Variants in LIMS1 observed in about 807,000 individuals in gnomAD.
LIMS1 encodes LIM zinc finger domain containing 1.
LIMS1 carries 18 observed loss-of-function variants against 44.1 expected under a neutral mutation model. That is an observed-to-expected ratio of 0.41 (90% CI 0.28 to 0.61). The LOEUF (loss-of-function observed/expected upper bound fraction) is 0.61. LIMS1 is among the 20% of genes least tolerant of loss of function. The pLI, the probability that LIMS1 is intolerant of heterozygous loss-of-function variation, is 0.32. For missense variants in LIMS1, 201 were observed against 422.0 expected, an observed-to-expected ratio of 0.48 and a Z score of 4.59; for synonymous variants, 93 against 149.1, an observed-to-expected ratio of 0.62 and a Z score of 2.74.
intron 1 of LIMS1, among the ~76,000 whole-genome samples, chr2:108,546,666 A>G (rs1684491329): frequency 7.6e-6 from 1 of 131,138 alleles, no homozygotes; most frequent in Non-Finnish European, 1.6e-5. Context: ...GAGCCTGTCT[A>G]ATTTGAGTGA....
chr2:108,557,985 T>C (rs1684980828), intron 1 of LIMS1, among the ~76,000 whole-genome samples: 1 of 152,218 alleles, frequency 6.6e-6, no homozygotes, highest in Non-Finnish European at 1.5e-5. Flanking sequence ...GAAGGGGAAA[T>C]TATGGATATA....
intron 1 of LIMS1, among the ~76,000 whole-genome samples, chr2:108,648,961 G>A (rs61547788): frequency 0.41 from 62,656 of 151,994 alleles, 14,871 homozygotes; most frequent in East Asian, 0.94. Context: ...AGCAATGGCA[G>A]CAAAAGCCAA....
At chr2:108,572,920 C>G (rs1437673652) in intron 1 of LIMS1, among the ~76,000 whole-genome samples, 2 of 152,140 alleles carry the variant, frequency 1.3e-5, no homozygotes, top group Non-Finnish European at 2.9e-5. Context: ...CAGTAGTAAA[C>G]TTGTATTGTG....
At chr2:108,598,349 CTT>C (rs1423247461) in intron 1 of LIMS1, among the ~76,000 whole-genome samples, 2 of 152,096 alleles carry the variant, frequency 1.3e-5, no homozygotes, top group Admixed American at 1.3e-4. Context: ...TGATTTGAGA[CTT>C]TTTGTTGTTG....
At chr2:108,620,042 G>C (rs564478823) in intron 1 of LIMS1, among the ~76,000 whole-genome samples, 1 of 152,266 alleles carries the variant, frequency 6.6e-6, no homozygotes, top group Non-Finnish European at 1.5e-5. Flanking sequence ...AAAAACATAT[G>C]CTGTGTTTGA....
intron 1 of LIMS1, among the ~76,000 whole-genome samples, chr2:108,539,964 G>A (rs1684263692): frequency 6.6e-6 from 1 of 150,858 alleles, no homozygotes; most frequent in African/African-American, 2.4e-5. Context: ...CTTTCTTACT[G>A]ATTTCCTTTT....
chr2:108,622,955 G>A (rs1242879774), intron 1 of LIMS1, among the ~76,000 whole-genome samples: 1 of 148,724 alleles, frequency 6.7e-6, no homozygotes, highest in Non-Finnish European at 1.5e-5. Flanking sequence ...TAGTTACAAT[G>A]CTCTTTCAAA....
At chr2:108,584,966 C>T (rs982102877) in intron 1 of LIMS1, among the ~76,000 whole-genome samples, 2 of 151,892 alleles carry the variant, frequency 1.3e-5, no homozygotes, top group Non-Finnish European at 2.9e-5. Flanking sequence ...AGCCTGGCAA[C>T]ATGGTGAAAC....
At chr2:108,591,509 C>T (rs1315483336) in intron 1 of LIMS1, among the ~76,000 whole-genome samples, 2 of 152,158 alleles carry the variant, frequency 1.3e-5, no homozygotes, top group Non-Finnish European at 2.9e-5. Flanking sequence ...ACCCAGGCTA[C>T]AGTACAGTGG....
At chr2:108,588,329 A>C (rs560788760) in intron 1 of LIMS1, 2 of 985,366 alleles carry the variant, frequency 2.0e-6, no homozygotes, top group East Asian at 2.3e-4. Flanking sequence ...GACAACAGAG[A>C]CAAAGCTAAG....
At chr2:108,634,762 C>T (rs539455706) in intron 1 of LIMS1, among the ~76,000 whole-genome samples, 1 of 152,356 alleles carries the variant, frequency 6.6e-6, no homozygotes, top group African/African-American at 2.4e-5. Flanking sequence ...GACAGGAAAG[C>T]ATGTGGAGCA....
intron 1 of LIMS1, among the ~76,000 whole-genome samples, chr2:108,547,143 A>G (rs1368604374): frequency 6.6e-6 from 1 of 152,248 alleles, no homozygotes; most frequent in African/African-American, 2.4e-5. Flanking sequence ...ACTTCAACAC[A>G]AAACTGGTGT....
intron 1 of LIMS1, among the ~76,000 whole-genome samples, chr2:108,540,178 A>T: frequency 6.8e-6 from 1 of 148,008 alleles, no homozygotes; most frequent in African/African-American, 2.5e-5. Flanking sequence ...TTAACAGGTG[A>T]TAAAGTACAG....
At chr2:108,641,325 G>T (rs896125943) in intron 1 of LIMS1, among the ~76,000 whole-genome samples, 1 of 152,200 alleles carries the variant, frequency 6.6e-6, no homozygotes, top group East Asian at 1.9e-4. Flanking sequence ...ACACCGAAGA[G>T]AGTCTCTAAC....
chr2:108,614,260 C>G (rs1687815039), intron 1 of LIMS1, among the ~76,000 whole-genome samples: 1 of 152,226 alleles, frequency 6.6e-6, no homozygotes, highest in African/African-American at 2.4e-5. Context: ...TCGGGCGCCT[C>G]CTCCACGCGA....
intron 1 of LIMS1, among the ~76,000 whole-genome samples, chr2:108,657,475 G>C (rs1690962482): frequency 6.6e-6 from 1 of 152,426 alleles, no homozygotes; most frequent in Middle Eastern, 3.4e-3. Context: ...TGACCAGGCA[G>C]ATGTGGAGCT....
chr2:108,674,106 T>C (rs1377937181), intron 5 of LIMS1, among the ~76,000 whole-genome samples: 5 of 151,862 alleles, frequency 3.3e-5, no homozygotes, highest in Non-Finnish European at 7.4e-5. Context: ...GGCGGGCAGA[T>C]CACGAGGTCA....
At chr2:108,639,144 A>G (rs1689489506) in intron 1 of LIMS1, among the ~76,000 whole-genome samples, 1 of 152,158 alleles carries the variant, frequency 6.6e-6, no homozygotes, top group Non-Finnish European at 1.5e-5. Context: ...TGAAAATCTT[A>G]CCCACTCACT....
Position 108,672,284 on chromosome 2 carries a change from A to T in LIMS1, c.260-41A>T, listed in dbSNP as rs1442226743. 8.2e-6 allele frequency: 10 copies of T among 1,223,652 alleles called. 1 individual carries two copies. In the South Asian group the frequency reaches 1.1e-4, roughly 13 times the overall value. The allele number at this position is 1,223,652 out of a possible 1,614,324, so 75.8% of individuals were successfully genotyped here. A position where few individuals can be genotyped will look rare whatever the true frequency, so the allele number is the denominator to read the frequency against. On this transcript the variant is annotated intron_variant, in intron 3 of 9. Coordinates refer to ENST00000544547, the Ensembl canonical transcript of LIMS1. ...TAAAGTGCCATGCCTGTTACTTAGG[A>T]TGTTACTTAGTAACATCCTTTGTGT...
Sources: gnomAD v4.1 joint callset for allele counts (sites outside exome capture counted in the v4.1 genomes callset) on GRCh38, gnomAD v4.1.1 for gene constraint, MANE v1.5 for transcripts, NCBI Gene and HGNC (gene_info 2026-07-23, HGNC 2026-07-21) for gene names.